DGKG: variants seen among roughly 807,000 people sequenced by gnomAD.
DGKG encodes diacylglycerol kinase gamma.
DGKG carries 78 observed loss-of-function variants against 105.3 expected under a neutral mutation model. The observed-to-expected ratio is 0.74, with a 90% CI of 0.62 to 0.89. DGKG has a LOEUF of 0.89. Among genes scored for constraint, DGKG ranks in the 40% least tolerant of loss-of-function variants. The pLI is 0.00. For missense variants in DGKG, 958 were observed against 1,020.1 expected, an observed-to-expected ratio of 0.94 and a Z score of 0.83; for synonymous variants, 346 against 367.1, an observed-to-expected ratio of 0.94 and a Z score of 0.66.
At chr3:186,322,870 G>A (rs913062214) in intron 1 of DGKG, among the ~76,000 whole-genome samples, 1 of 152,180 alleles carries the variant, frequency 6.6e-6, no homozygotes, top group African/African-American at 2.4e-5. Context: ...AGAGAAGCCA[G>A]TGCCCAGGTC....
chr3:186,211,985 T>C, intron 20 of DGKG, 100 bp from the exon 21 acceptor site: 1 of 891,258 alleles, frequency 1.1e-6, no homozygotes, highest in Non-Finnish European at 1.8e-6. Context: ...CCTTCAGCAA[T>C]TTCCCCAATC....
rs1359501751 is a variant in DGKG at position 186,260,396 on chromosome 3, A to G, written c.1424+43T>C. Reference sequence around the variant, plus strand: ...AGAGGCATCTTCATTGGAGTTTAAAAGGGAGGGGGAGAAATAAGAGGTAAA... The same window carrying G: ...AGAGGCATCTTCATTGGAGTTTAAAGGGGAGGGGGAGAAATAAGAGGTAAA... On this transcript the variant is annotated intron_variant, in intron 16 of 24. Transcript: ENST00000265022. 4 of 1,413,534 alleles carry G rather than the reference A, an allele frequency of 2.8e-6. No individual in the cohort carries two copies. In the South Asian group the frequency reaches 3.5e-5, roughly 13 times the overall value. The allele number at this position is 1,413,534 out of a possible 1,614,324, so 87.6% of individuals were successfully genotyped here. A position where few individuals can be genotyped will look rare whatever the true frequency, so the allele number is the denominator to read the frequency against.
intron 1 of DGKG, among the ~76,000 whole-genome samples, chr3:186,322,627 C>CT (rs1725133057): frequency 6.6e-6 from 1 of 152,168 alleles, no homozygotes; most frequent in South Asian, 2.1e-4. Context: ...CCTCAGCCCT[C>CT]TTCTCACTCT....
chr3:186,258,369 A>T (rs1474244085), intron 16 of DGKG, among the ~76,000 whole-genome samples: 2 of 152,174 alleles, frequency 1.3e-5, no homozygotes, highest in African/African-American at 4.8e-5. Context: ...TGTGGGCCAC[A>T]GTGAGTGGAG....
At chr3:186,274,372 T>A (rs1425873116) in intron 10 of DGKG, among the ~76,000 whole-genome samples, 3 of 152,018 alleles carry the variant, frequency 2.0e-5, no homozygotes, top group Non-Finnish European at 4.4e-5. Flanking sequence ...TTAGTATTTT[T>A]ATTTTTTATT....
rs374021027 is a variant in DGKG, at chr3:186,150,039, A to T, written c.*51T>A. 7.6e-6 allele frequency: 12 copies of T among 1,579,096 alleles called. No homozygotes were observed. The highest frequency in any genetic ancestry group is 1.0e-5 in the Non-Finnish European group (12 of 1,161,334). ...GCACATAAATTGTGTGTGAGTGTGC[A>T]TTATAGTTTCTTGCTTTCTCTCTTG... On this transcript the variant is annotated 3_prime_UTR_variant, in exon 25 of 25. Coordinates refer to ENST00000265022, the MANE Select transcript of DGKG (RefSeq NM_001346.3).
rs375498419 is a variant in DGKG, at chr3:186,216,638, A to C, written c.1827-4753T>G. Among the ~76,000 whole-genome samples the C allele has an allele frequency of 5.1e-4, 78 of 152,006 alleles. 1 individual carries two copies. Among genetic ancestry groups the C allele is most frequent in the Middle Eastern group, 3.4e-3 (1 of 294 alleles). On this transcript the variant is annotated intron_variant, in intron 20 of 24. Coordinates refer to ENST00000265022, the MANE Select transcript of DGKG (RefSeq NM_001346.3). ...TTGTCAACACCAGCACACCACCACC[A>C]CCACCCATTTCCAAAGCCTTCAGGA...
chr3:186,162,618 C>A (rs762508591), intron 23 of DGKG, among the ~76,000 whole-genome samples: 5 of 152,196 alleles, frequency 3.3e-5, no homozygotes, highest in Non-Finnish European at 5.9e-5. Flanking sequence ...CGGCTCACTG[C>A]AAGCTCTGCC....
intron 22 of DGKG, among the ~76,000 whole-genome samples, chr3:186,166,940 G>A (rs1300267426): frequency 6.6e-6 from 1 of 152,138 alleles, no homozygotes; most frequent in Non-Finnish European, 1.5e-5. Context: ...AGAAGCAGGG[G>A]ACTTAATAGA....
intron 2 of DGKG, among the ~76,000 whole-genome samples, chr3:186,308,025 T>A (rs1724338677): frequency 6.6e-6 from 1 of 152,170 alleles, no homozygotes; most frequent in Non-Finnish European, 1.5e-5. Flanking sequence ...CTCACATATT[T>A]CTGACAGCCA....
intron 1 of DGKG, among the ~76,000 whole-genome samples, chr3:186,327,369 C>T (rs1308654476): frequency 6.7e-6 from 1 of 150,000 alleles, no homozygotes; most frequent in African/African-American, 2.5e-5. Context: ...CCTCCTCCTC[C>T]TCCTTATTCT....
intron 2 of DGKG, among the ~76,000 whole-genome samples, chr3:186,312,847 G>A (rs988269859): frequency 1.3e-5 from 2 of 152,226 alleles, no homozygotes; most frequent in Non-Finnish European, 2.9e-5. Context: ...TCAGGCCTCA[G>A]AGCAGCACGT....
Position 186,226,705 on chromosome 3 carries a change from T to C in DGKG, c.1827-14820A>G, listed in dbSNP as rs1719876475. On this transcript the variant is annotated intron_variant, in intron 20 of 24. Transcript: ENST00000265022. The surrounding 1 kb of genome is among the most constrained non-coding windows in gnomAD (Gnocchi z 4.2). Reference sequence around the variant, plus strand: ...AGGCAAGGTAGGGTACTTGGCTTGATTGGCAGTTTGGAATGCTCTCCAAAA... The same window carrying C: ...AGGCAAGGTAGGGTACTTGGCTTGACTGGCAGTTTGGAATGCTCTCCAAAA... 6.6e-6 allele frequency among the ~76,000 whole-genome samples: 1 copy of C among 152,214 alleles called. No individual in the cohort carries two copies. Among genetic ancestry groups the C allele is most frequent in the African/African-American group, 2.4e-5 (1 of 41,450 alleles).
intron 20 of DGKG, among the ~76,000 whole-genome samples, chr3:186,221,852 C>A (rs1719597440): frequency 6.6e-6 from 1 of 152,196 alleles, no homozygotes; most frequent in African/African-American, 2.4e-5. Context: ...GGTCCACACC[C>A]TCACACTACC....
At chr3:186,327,593 T>A (rs908419205) in intron 1 of DGKG, among the ~76,000 whole-genome samples, 3 of 151,890 alleles carry the variant, frequency 2.0e-5, no homozygotes, top group African/African-American at 7.2e-5. Context: ...TTTAACTTTT[T>A]GTAGAGACAG....
At position 186,328,184 on chromosome 3, in the gene DGKG, A is replaced by G. The variant is rs532816557; in HGVS notation, c.-248-7477T>C. On this transcript the variant is annotated intron_variant, in intron 1 of 24. Transcript: ENST00000265022. ...CTCTTTAGATCCAGATTAAAAGGTC[A>G]CTTCTTTTCTATAGCTTTTTGGAAC... Among the ~76,000 whole-genome samples the G allele has an allele frequency of 5.3e-5, 8 of 152,276 alleles. No individual in the cohort carries two copies. The East Asian group carries it at 1.5e-3, about 29-fold the overall frequency.
At chr3:186,216,286 A>G (rs1270689690) in intron 20 of DGKG, among the ~76,000 whole-genome samples, 1 of 151,756 alleles carries the variant, frequency 6.6e-6, no homozygotes, top group African/African-American at 2.4e-5. Flanking sequence ...AGGCCACCGC[A>G]CCCGGCCGAG....
intron 22 of DGKG, among the ~76,000 whole-genome samples, chr3:186,183,503 TTG>T (rs1273084344): frequency 1.6e-3 from 1 of 616 alleles, no homozygotes; most frequent in Non-Finnish European, 4.4e-3. Flanking sequence ...AGAACCTTTC[TTG>T]GGGGGGGGCG....
rs963631295 is a variant in DGKG at position 186,207,232 on chromosome 3, G to A, written c.1917+4563C>T. On this transcript the variant is annotated intron_variant, in intron 21 of 24. Coordinates refer to ENST00000265022, the MANE Select transcript of DGKG (RefSeq NM_001346.3). Reference sequence around the variant, plus strand: ...GAAAAAATTATTTCCTGCTTTTGACGTTATCTGAAATGTCAAAATAAAGAC... The same window carrying A: ...GAAAAAATTATTTCCTGCTTTTGACATTATCTGAAATGTCAAAATAAAGAC... Among the ~76,000 whole-genome samples the A allele has an allele frequency of 5.3e-5, 8 of 152,208 alleles. No individual in the cohort carries two copies. In the East Asian group the frequency reaches 1.2e-3, roughly 22 times the overall value.
Sources: allele counts gnomAD v4.1 joint callset (sites outside exome capture counted in the v4.1 genomes callset), GRCh38; gene constraint gnomAD v4.1.1; non-coding constraint Gnocchi (gnomAD v3.1); transcripts MANE v1.5; gene names NCBI Gene and HGNC (gene_info 2026-07-23, HGNC 2026-07-21).